Variants in MLIP observed in about 807,000 individuals in gnomAD.
MLIP encodes muscular LMNA interacting protein, also known as muscular LMNA-interacting protein.
A neutral mutation model predicts 84.8 loss-of-function variants in MLIP; 79 were observed. The ratio of observed to expected loss-of-function variants is 0.93; its 90% CI spans 0.78 to 1.12. MLIP has a LOEUF of 1.12. MLIP is among the 50% of genes most tolerant of loss of function. MLIP has a pLI of 0.00. For missense variants in MLIP, 1,257 were observed against 1,160.6 expected, an observed-to-expected ratio of 1.08 and a Z score of -1.21; for synonymous variants, 504 against 463.0, an observed-to-expected ratio of 1.09 and a Z score of -1.14.
chr6:54,115,982 A>G (rs148606053), intron 1 of MLIP, among the ~76,000 whole-genome samples: 44 of 152,310 alleles, frequency 2.9e-4, no homozygotes, highest in African/African-American at 1.0e-3. Flanking sequence ...TGCTCACTGA[A>G]TTCCAGAAGG....
Position 54,198,884 on chromosome 6 carries a change from GTGTGTGTGTGTATA to G in MLIP, c.2590-3209_2590-3196del, listed in dbSNP as rs773452174. 1.3e-3 allele frequency among the ~76,000 whole-genome samples: 184 copies of G among 136,946 alleles called. 2 individuals are homozygous for G. Among genetic ancestry groups the G allele is most frequent in the Admixed American group, 1.6e-3 (22 of 13,430 alleles). The allele number at this position is 136,946 out of a possible 152,430, so 89.8% of individuals were successfully genotyped here. A position where few individuals can be genotyped will look rare whatever the true frequency, so the allele number is the denominator to read the frequency against. On this transcript the variant is annotated intron_variant, in intron 10 of 13. Transcript: ENST00000502396. ...GGTGAAGAGGTGTGTGTGTCTGTGT[GTGTGTGTGTGTATA>G]TGTGTGTGTGTGTTTGTGTGTGTGT...
chr6:54,104,874 G>A (rs1768901219), intron 1 of MLIP, among the ~76,000 whole-genome samples: 1 of 152,008 alleles, frequency 6.6e-6, no homozygotes, highest in African/African-American at 2.4e-5. Context: ...AATAAATACG[G>A]GAAACCACGG....
intron 3 of MLIP, 53 bp downstream of exon 3, chr6:54,124,918 C>A: frequency 6.7e-7 from 1 of 1,498,580 alleles, no homozygotes; most frequent in South Asian, 1.4e-5. Context: ...TTTATGCACC[C>A]TTTGTCTTGG....
intron 1 of MLIP, among the ~76,000 whole-genome samples, chr6:54,025,549 T>C (rs1025780816): frequency 3.3e-5 from 5 of 152,178 alleles, no homozygotes; most frequent in African/African-American, 4.8e-5. Context: ...CAAACGATGA[T>C]ATTTTATTTT....
intron 11 of MLIP, among the ~76,000 whole-genome samples, chr6:54,210,322 A>G (rs1779355389): frequency 6.6e-6 from 1 of 151,658 alleles, no homozygotes; most frequent in African/African-American, 2.4e-5. Flanking sequence ...AGTGTGGTTT[A>G]TTTATGGCAT....
At position 54,172,881 on chromosome 6, in the gene MLIP, G is replaced by A. The variant is rs988956694; in HGVS notation, c.2544+3309G>A. 1.5e-4 allele frequency among the ~76,000 whole-genome samples: 23 copies of A among 151,700 alleles called. No individual in the cohort carries two copies. The East Asian group carries it at 1.6e-3, about 10-fold the overall frequency. ...TTAAAGTAAAGGTTTTCTCCAGTCCGTGGTCTTCTTAAAATGCAGGCTATT... is the reference window on the plus strand; with the variant it reads ...TTAAAGTAAAGGTTTTCTCCAGTCCATGGTCTTCTTAAAATGCAGGCTATT... On this transcript the variant is annotated intron_variant, in intron 9 of 13. Coordinates refer to ENST00000502396, the MANE Select transcript of MLIP (RefSeq NM_001281747.2).
At chr6:54,239,368 A>ATATATATATATAATATATAT (rs1781574583) in intron 12 of MLIP, among the ~76,000 whole-genome samples, 1 of 141,756 alleles carries the variant, frequency 7.1e-6, no homozygotes, top group Non-Finnish European at 1.5e-5. Context: ...TATATATATA[A>ATATATATATATAATATATAT]TATATATATA....
chr6:54,059,655 C>T (rs1383925794), intron 1 of MLIP, among the ~76,000 whole-genome samples: 1 of 152,046 alleles, frequency 6.6e-6, no homozygotes, highest in Non-Finnish European at 1.5e-5. Flanking sequence ...CCTGGATTCA[C>T]GAATGTATGT....
intron 1 of MLIP, among the ~76,000 whole-genome samples, chr6:54,097,475 T>A (rs1768298315): frequency 6.6e-6 from 1 of 152,164 alleles, no homozygotes; most frequent in African/African-American, 2.4e-5. Context: ...CATACACAGC[T>A]TAAAATTATT....
At chr6:54,198,083 A>T (rs551966911) in intron 10 of MLIP, among the ~76,000 whole-genome samples, 1 of 152,262 alleles carries the variant, frequency 6.6e-6, no homozygotes, top group East Asian at 1.9e-4. Context: ...ACTTAGAAAG[A>T]TCTATCTCTA....
At chr6:54,092,554 T>A (rs1767936865) in intron 1 of MLIP, among the ~76,000 whole-genome samples, 1 of 152,038 alleles carries the variant, frequency 6.6e-6, no homozygotes, top group African/African-American at 2.4e-5. Context: ...ACAAAATATA[T>A]TTAAATATAG....
At position 54,137,839 on chromosome 6, in the gene MLIP, A is replaced by G. The variant is rs751620103; in HGVS notation, c.1770A>G (p.Ala590=). 3.9e-6 allele frequency: 6 copies of G among 1,535,946 alleles called. No individual in the cohort carries two copies. In the African/African-American group the frequency reaches 4.1e-5, roughly 11 times the overall value. The change falls in exon 4 of 14, where the codon GCA becomes GCG. Residue 590 remains alanine, a synonymous_variant. Transcript: ENST00000502396. The part of the protein sequence containing the change: ...HTYPSTLASS[A]LSSLSPPINQ... Reference sequence around the variant, plus strand: ...ACCCTTCTACATTAGCCTCCTCTGCATTATCTTCTCTATCTCCTCCTATTA... The same window carrying G: ...ACCCTTCTACATTAGCCTCCTCTGCGTTATCTTCTCTATCTCCTCCTATTA...
intron 5 of MLIP, among the ~76,000 whole-genome samples, chr6:54,154,572 T>A (rs1272652342): frequency 2.6e-5 from 4 of 152,178 alleles, no homozygotes; most frequent in Non-Finnish European, 4.4e-5. Flanking sequence ...AGTTGCTAAA[T>A]TGGACCTCAG....
rs911922157 is a variant in MLIP at position 54,230,565 on chromosome 6, A to C, written c.2719-149A>C. On this transcript the variant is annotated intron_variant, in intron 11 of 13. Transcript: ENST00000502396. ...GAGACACACAATATACACTGAAAGC[A>C]GTTGTCTCATGAGGGACACCATCTC... The C allele has an allele frequency of 3.0e-5, 21 of 706,700 alleles. 1 individual carries two copies. In the Admixed American group the frequency reaches 4.4e-4, roughly 15 times the overall value. 43.8% of individuals were successfully genotyped at this position (706,700 alleles called of 1,614,324 possible). A position where few individuals can be genotyped will look rare whatever the true frequency, so the allele number is the denominator to read the frequency against.
intron 12 of MLIP, among the ~76,000 whole-genome samples, chr6:54,242,230 A>C (rs1298505959): frequency 6.6e-6 from 1 of 152,196 alleles, no homozygotes; most frequent in African/African-American, 2.4e-5. Context: ...CCTGCTTCTT[A>C]GGCCATGAGC....
rs545554561 is a variant in MLIP at position 54,028,045 on chromosome 6, C to A, written c.63+8954C>A. Among the ~76,000 whole-genome samples, 25 of 152,178 alleles carry A rather than the reference C, an allele frequency of 1.6e-4. 1 individual carries two copies. In the South Asian group the frequency reaches 5.2e-3, roughly 32 times the overall value. The stretch of plus-strand genomic sequence containing the variant: ...CTCCCCTAAGGGAATGACAAATAGA[C>A]TGTGGTATTAGTGATGGAATTGTAT... On this transcript the variant is annotated intron_variant, in intron 1 of 12. Coordinates refer to the MLIP transcript ENST00000274897.
At chr6:54,144,427 G>A (rs752115097) in intron 4 of MLIP, among the ~76,000 whole-genome samples, 4 of 152,202 alleles carry the variant, frequency 2.6e-5, no homozygotes, top group South Asian at 4.1e-4. Context: ...TTTGGCACCA[G>A]GGACCAGTTT....
chr6:54,147,073 A>G (rs1772921563), intron 4 of MLIP, among the ~76,000 whole-genome samples: 1 of 152,116 alleles, frequency 6.6e-6, no homozygotes, highest in Admixed American at 6.6e-5. Context: ...GCTCATAGTG[A>G]TTGTTAGATA....
At chr6:54,194,291 T>A (rs1038747290) in intron 10 of MLIP, among the ~76,000 whole-genome samples, 13 of 152,144 alleles carry the variant, frequency 8.5e-5, no homozygotes, top group African/African-American at 2.7e-4. Flanking sequence ...AGAACCGATG[T>A]CTCCTTCAAG....
Sources: gnomAD v4.1 joint callset for allele counts (sites outside exome capture counted in the v4.1 genomes callset) on GRCh38, gnomAD v4.1.1 for gene constraint, MANE v1.5 for transcripts, NCBI Gene and HGNC (gene_info 2026-07-23, HGNC 2026-07-21) for gene names.